Variants in VWA3B observed in about 807,000 individuals in gnomAD.
VWA3B encodes the protein von Willebrand factor A domain containing 3B, also known as von Willebrand factor A domain-containing protein 3B.
VWA3B carries 138 observed loss-of-function variants against 158.3 expected under a neutral mutation model. The observed-to-expected ratio is 0.87, with a 90% CI of 0.76 to 1.00. The LOEUF is 1.00. Among genes scored for constraint, VWA3B ranks in the 50% least tolerant of loss-of-function variants. The probability of loss-of-function intolerance (pLI) is 0.00; values close to 1 mark genes in which losing one functional copy is unlikely to be tolerated. For missense variants in VWA3B, 1,555 were observed against 1,565.1 expected, an observed-to-expected ratio of 0.99 and a Z score of 0.11; for synonymous variants, 596 against 587.3, an observed-to-expected ratio of 1.01 and a Z score of -0.21.
intron 10 of VWA3B, among the ~76,000 whole-genome samples, chr2:98,191,527 G>A (rs1574037295): frequency 6.6e-6 from 1 of 152,298 alleles, no homozygotes; most frequent in Non-Finnish European, 1.5e-5. Flanking sequence ...AGTTATGTTA[G>A]AATAGATCTA....
At chr2:98,308,716 A>T (rs1337723766) in intron 26 of VWA3B, among the ~76,000 whole-genome samples, 1 of 152,198 alleles carries the variant, frequency 6.6e-6, no homozygotes, top group Non-Finnish European at 1.5e-5. Flanking sequence ...TCTAGCAGGC[A>T]TTACTCAACC....
intron 19 of VWA3B, among the ~76,000 whole-genome samples, chr2:98,249,948 C>A (rs1008070438): frequency 2.6e-5 from 4 of 152,202 alleles, no homozygotes; most frequent in African/African-American, 9.6e-5. Flanking sequence ...TACAAAGAAG[C>A]AACAATGAGA....
intron 22 of VWA3B, among the ~76,000 whole-genome samples, chr2:98,271,545 A>T (rs1483232965): frequency 6.6e-6 from 1 of 152,158 alleles, no homozygotes; most frequent in Admixed American, 6.5e-5. Context: ...ATTATTTCAT[A>T]GACTTTCTCT....
chr2:98,160,771 T>C (rs1481947029), intron 7 of VWA3B, among the ~76,000 whole-genome samples: 2 of 152,322 alleles, frequency 1.3e-5, no homozygotes, highest in African/African-American at 4.8e-5. Context: ...TTTTTGGATT[T>C]TCAACATGGA....
At chr2:98,096,223 G>C (rs1254557876) in intron 2 of VWA3B, among the ~76,000 whole-genome samples, 1 of 151,906 alleles carries the variant, frequency 6.6e-6, no homozygotes, top group Non-Finnish European at 1.5e-5. Context: ...ATGTTTGGTA[G>C]AATTCAGCAA....
intron 22 of VWA3B, among the ~76,000 whole-genome samples, chr2:98,285,736 G>T (rs1689132575): frequency 6.6e-6 from 1 of 150,674 alleles, no homozygotes; most frequent in Non-Finnish European, 1.5e-5. Flanking sequence ...TGTGTCCTCT[G>T]CATTTATATG....
At chr2:98,250,113 T>C (rs1014088173) in intron 19 of VWA3B, among the ~76,000 whole-genome samples, 3 of 152,146 alleles carry the variant, frequency 2.0e-5, no homozygotes, top group Non-Finnish European at 4.4e-5. Flanking sequence ...TTCTAAAATA[T>C]ATAGTTTTAA....
intron 7 of VWA3B, among the ~76,000 whole-genome samples, chr2:98,143,904 C>G (rs779421704): frequency 2.6e-5 from 4 of 152,098 alleles, no homozygotes; most frequent in Admixed American, 6.5e-5. Context: ...GTGTGCACCA[C>G]TATGCCTGGC....
chr2:98,128,188 C>G, intron 5 of VWA3B, 51 bp from the exon 6 acceptor site: 1 of 1,601,156 alleles, frequency 6.2e-7, no homozygotes, highest in East Asian at 2.2e-5. Context: ...GAGACTAGTA[C>G]CAAGCTAGGG....
At chr2:98,209,225 G>C (rs940367880) in intron 12 of VWA3B, among the ~76,000 whole-genome samples, 1 of 152,006 alleles carries the variant, frequency 6.6e-6, no homozygotes, top group Non-Finnish European at 1.5e-5. Context: ...TTTGGGATTT[G>C]CTTAGCTTCT....
intron 8 of VWA3B, among the ~76,000 whole-genome samples, chr2:98,176,046 G>A (rs909064445): frequency 4.6e-5 from 7 of 152,130 alleles, no homozygotes; most frequent in Middle Eastern, 3.2e-3. Context: ...CCTGGCTCCC[G>A]GATCTCAGAT....
intron 7 of VWA3B, among the ~76,000 whole-genome samples, chr2:98,144,677 C>T (rs992219391): frequency 1.3e-5 from 2 of 151,994 alleles, no homozygotes; most frequent in Admixed American, 1.3e-4. Context: ...AGCTATTCTC[C>T]TGCCTCAGCC....
intron 26 of VWA3B, among the ~76,000 whole-genome samples, chr2:98,309,427 G>A (rs1036112080): frequency 5.1e-4 from 78 of 152,150 alleles, no homozygotes; most frequent in African/African-American, 1.8e-3. Context: ...TCGGCAGGAG[G>A]AGAGACCCTC....
intron 19 of VWA3B, chr2:98,245,316 G>A (rs1686323465): frequency 3.6e-6 from 1 of 279,508 alleles, no homozygotes; most frequent in Non-Finnish European, 7.0e-6. Flanking sequence ...GAAGCCGGGG[G>A]TGCCATGATT....
In VWA3B at chr2:98,311,995, C is replaced by A; in HGVS notation, c.3698C>A (p.Ser1233Tyr). 6.2e-7 allele frequency: 1 copy of A among 1,603,618 alleles called. No homozygotes were observed. The highest frequency in any genetic ancestry group is 8.5e-7 in the Non-Finnish European group (1 of 1,175,060). ...DSDGSSHGISSHGSCQGTHPE... is the reference protein window; with the variant it reads ...DSDGSSHGISYHGSCQGTHPE... ...GACGGCTCCTCCCACGGCATCAGCTCCCATGGGTCCTGCCAGGGGACACAC... is the reference window on the plus strand; with the variant it reads ...GACGGCTCCTCCCACGGCATCAGCTACCATGGGTCCTGCCAGGGGACACAC... Residue 1233 changes from serine (S) to tyrosine (Y), a missense_variant, in exon 27 of 28, where the codon TCC becomes TAC. Ser to Tyr is a moderately radical substitution (Grantham distance 144). Transcript: ENST00000477737.
the VWA3B span, among the ~76,000 whole-genome samples, chr2:98,323,885 C>A: frequency 6.6e-6 from 1 of 152,170 alleles, no homozygotes; most frequent in South Asian, 2.1e-4. Context: ...CAAATAAATT[C>A]TTAAGAAAGA....
At chr2:98,129,517 G>T (rs1205021740) in intron 6 of VWA3B, among the ~76,000 whole-genome samples, 4 of 152,092 alleles carry the variant, frequency 2.6e-5, no homozygotes, top group African/African-American at 9.7e-5. Context: ...GGGAATTAGG[G>T]CTTCAACATA....
chr2:98,216,984 C>CGCCT, intron 13 of VWA3B: 1 of 1,239,952 alleles, frequency 8.1e-7, no homozygotes, highest in South Asian at 1.3e-5. Flanking sequence ...TTGTAAGCAC[C>CGCCT]CGCCCCGCAC....
chr2:98,273,861 G>T (rs1688360624), intron 22 of VWA3B, among the ~76,000 whole-genome samples: 1 of 152,124 alleles, frequency 6.6e-6, no homozygotes, highest in Non-Finnish European at 1.5e-5. Flanking sequence ...AGGAAGTGTT[G>T]CGAATGGAGT....
Sources: gnomAD v4.1 joint callset for allele counts (sites outside exome capture counted in the v4.1 genomes callset) on GRCh38, gnomAD v4.1.1 for gene constraint, MANE v1.5 for transcripts, NCBI Gene and HGNC (gene_info 2026-07-23, HGNC 2026-07-21) for gene names.